Variants in BCAS3 observed in about 807,000 individuals in gnomAD.
The protein encoded by BCAS3 is BCAS4/BCAS3 fusion.
Under a neutral mutation model 116.1 loss-of-function variants are expected in BCAS3, and 53 were observed. The ratio of observed to expected loss-of-function variants is 0.46; its 90% CI spans 0.37 to 0.57. The LOEUF (loss-of-function observed/expected upper bound fraction) is 0.57. Among genes scored for constraint, BCAS3 ranks in the 20% least tolerant of loss-of-function variants. The pLI is 0.00. For synonymous variants in BCAS3, 391 were observed against 408.2 expected, an observed-to-expected ratio of 0.96 and a Z score of 0.51; for missense variants, 917 against 1,165.4, an observed-to-expected ratio of 0.79 and a Z score of 3.10.
chr17:60,969,300 G>C (rs1273160972), intron 14 of BCAS3, among the ~76,000 whole-genome samples: 1 of 152,120 alleles, frequency 6.6e-6, no homozygotes, highest in African/African-American at 2.4e-5. Flanking sequence ...TTATTACTAT[G>C]CTCAGTGATA....
At chr17:61,294,584 C>A (rs1361376032) in intron 22 of BCAS3, among the ~76,000 whole-genome samples, 2 of 152,152 alleles carry the variant, frequency 1.3e-5, no homozygotes, top group Non-Finnish European at 2.9e-5. Context: ...GGCAAACTGG[C>A]CTTGAAAGGC....
In BCAS3 at chr17:61,204,425, CT is replaced by C. The variant is rs200500192; in HGVS notation, c.2425+119868del. Among the ~76,000 whole-genome samples, 49 of 152,162 alleles carry C rather than the reference CT, an allele frequency of 3.2e-4. 1 individual carries two copies. The East Asian group carries it at 9.3e-3, about 29-fold the overall frequency. ...AATAATATTCTATGTTTGGATTTGTCTTTTTTTCCCACATTCATATTTGACT... is the reference window on the plus strand; with the variant it reads ...AATAATATTCTATGTTTGGATTTGTCTTTTTTCCCACATTCATATTTGACT... On this transcript the variant is annotated intron_variant, in intron 22 of 23. Coordinates refer to ENST00000407086, the MANE Select transcript of BCAS3 (RefSeq NM_017679.5). The surrounding 1 kb of genome is among the most constrained non-coding windows in gnomAD (Gnocchi z 4.2).
rs2059382542 is a variant in BCAS3, at chr17:61,377,310, T to A, written c.2593+8816T>A. 6.6e-6 allele frequency among the ~76,000 whole-genome samples: 1 copy of A among 152,180 alleles called. No homozygotes were observed. Among genetic ancestry groups the A allele is most frequent in the South Asian group, 2.1e-4 (1 of 4,820 alleles). On this transcript the variant is annotated intron_variant, in intron 23 of 23. Transcript: ENST00000407086. This position sits in a 1 kb window ranked among gnomAD's most constrained non-coding sequence, Gnocchi z 4.6. ...CCTACTCGGGACAAGAGGGAGCAGC[T>A]GCGCCAGCGAGACTGTGGGACAGCC...
chr17:61,295,968 AAAAG>A (rs1431567660), intron 22 of BCAS3, among the ~76,000 whole-genome samples: 1 of 151,908 alleles, frequency 6.6e-6, no homozygotes, highest in Non-Finnish European at 1.5e-5. Context: ...AAAAAAAAAA[AAAAG>A]AAAGAAATTT....
chr17:61,288,212 G>A (rs1373532584), intron 22 of BCAS3, among the ~76,000 whole-genome samples: 1 of 152,232 alleles, frequency 6.6e-6, no homozygotes, highest in African/African-American at 2.4e-5. Flanking sequence ...TGTGGGGAGG[G>A]AAAGTGTAAG....
intron 16 of BCAS3, among the ~76,000 whole-genome samples, chr17:61,025,667 T>A (rs1048939454): frequency 1.2e-4 from 19 of 152,240 alleles, no homozygotes; most frequent in Admixed American, 7.8e-4. Flanking sequence ...CTTATCTAAC[T>A]GAGAGAGAGC....
chr17:60,888,092 G>A (rs1346221195), intron 9 of BCAS3, among the ~76,000 whole-genome samples: 1 of 152,198 alleles, frequency 6.6e-6, no homozygotes, highest in Non-Finnish European at 1.5e-5. Context: ...ATAAGGTTGG[G>A]ATGGTGCTGA....
chr17:61,371,577 G>A (rs1400560374), intron 23 of BCAS3, among the ~76,000 whole-genome samples: 1 of 152,112 alleles, frequency 6.6e-6, no homozygotes, highest in Non-Finnish European at 1.5e-5. Context: ...GATTTGAAGT[G>A]TTCTCGACAC....
intron 9 of BCAS3, among the ~76,000 whole-genome samples, chr17:60,879,679 T>C (rs1294482953): frequency 6.6e-6 from 1 of 152,258 alleles, no homozygotes; most frequent in Non-Finnish European, 1.5e-5. Flanking sequence ...GTAAGCAATC[T>C]TGTTCCATTG....
Position 60,967,384 on chromosome 17 carries a change from A to G in BCAS3, c.1221+20032A>G, listed in dbSNP as rs1160203380. Among the ~76,000 whole-genome samples, 1 of 152,150 alleles carries G rather than the reference A, an allele frequency of 6.6e-6. No individual in the cohort carries two copies. Among genetic ancestry groups the G allele is most frequent in the African/African-American group, 2.4e-5 (1 of 41,428 alleles). The stretch of plus-strand genomic sequence containing the variant: ...ATGTTGTTATACTCCCTCCTGGCTT[A>G]TATGATTTACACTGGGAAGTCTGTT... On this transcript the variant is annotated intron_variant, in intron 14 of 23. Transcript: ENST00000407086. This position sits in a 1 kb window ranked among gnomAD's most constrained non-coding sequence, Gnocchi z 4.7.
In BCAS3 at chr17:60,747,298, A is replaced by G; in HGVS notation, c.403+19A>G. 3 of 1,572,740 alleles carry G rather than the reference A, an allele frequency of 1.9e-6. No homozygotes were observed. Among genetic ancestry groups the G allele is most frequent in the Non-Finnish European group, 2.6e-6 (3 of 1,147,972 alleles). The stretch of plus-strand genomic sequence containing the variant: ...CAGTTTGGTGAGTGTAGTCCTTAAG[A>G]AAAGAATCTTTCAGAAAAGAGTTTC... On this transcript the variant is annotated intron_variant, in intron 6 of 23. Coordinates refer to ENST00000407086, the MANE Select transcript of BCAS3 (RefSeq NM_017679.5).
intron 19 of BCAS3, among the ~76,000 whole-genome samples, chr17:61,048,002 A>G (rs2068501898): frequency 6.6e-6 from 1 of 152,062 alleles, no homozygotes; most frequent in African/African-American, 2.4e-5. Context: ...ATATACATTC[A>G]TTCAATAGAA....
At chr17:60,710,898 A>T (rs951329536) in intron 5 of BCAS3, among the ~76,000 whole-genome samples, 1 of 149,204 alleles carries the variant, frequency 6.7e-6, no homozygotes, top group African/African-American at 2.5e-5. Flanking sequence ...CACCTCCTGG[A>T]CTCAAGCGAT....
intron 22 of BCAS3, among the ~76,000 whole-genome samples, chr17:61,246,966 T>C (rs999710174): frequency 2.6e-5 from 4 of 152,202 alleles, no homozygotes; most frequent in African/African-American, 4.8e-5. Context: ...ATTGCTTTAG[T>C]ACCGAAATTA....
chr17:60,687,640 T>G (rs115261917), intron 3 of BCAS3, among the ~76,000 whole-genome samples: 1,760 of 152,156 alleles, frequency 0.012, 25 homozygotes, highest in African/African-American at 0.038. Context: ...AACAACTTTT[T>G]TTTTTTAAAG....
rs1328627461 is a variant in BCAS3 at position 61,276,346 on chromosome 17, C to T, written c.2426-91981C>T. On this transcript the variant is annotated intron_variant, in intron 22 of 23. Coordinates refer to ENST00000407086, the MANE Select transcript of BCAS3 (RefSeq NM_017679.5). The surrounding 1 kb of genome is among the most constrained non-coding windows in gnomAD (Gnocchi z 4.2). ...CCAGCCTGGGCTACAGGACGAGACT[C>T]CATCTCAAAAACAAACAAACAAACA... is the stretch of plus-strand genomic sequence containing the variant. 6.6e-6 allele frequency among the ~76,000 whole-genome samples: 1 copy of T among 152,030 alleles called. No homozygotes were observed. Among genetic ancestry groups the T allele is most frequent in the African/African-American group, 2.4e-5 (1 of 41,382 alleles).
chr17:60,737,089 A>G (rs8077129), intron 5 of BCAS3, among the ~76,000 whole-genome samples: 1 of 151,930 alleles, frequency 6.6e-6, no homozygotes, highest in Non-Finnish European at 1.5e-5. Context: ...GCACGCATGC[A>G]CCACCACGCC....
chr17:60,864,401 G>A (rs1294878746), intron 7 of BCAS3, among the ~76,000 whole-genome samples: 1 of 152,206 alleles, frequency 6.6e-6, no homozygotes, highest in African/African-American at 2.4e-5. Context: ...AAAAATAAAT[G>A]GAGTTAAAGC....
chr17:61,241,600 T>C lies in BCAS3; in HGVS notation c.2426-126727T>C, dbSNP rs796538769. Among the ~76,000 whole-genome samples, 2 of 151,646 alleles carry C rather than the reference T, an allele frequency of 1.3e-5. No homozygotes were observed. Among genetic ancestry groups the C allele is most frequent in the African/African-American group, 4.8e-5 (2 of 41,322 alleles). ...CGGCCGTGGTGGCGGGTGCCTGTAG[T>C]CCCAGCTACTCGGGAGGATGAGGCA... On this transcript the variant is annotated intron_variant, in intron 22 of 23. Transcript: ENST00000407086. This position sits in a 1 kb window ranked among gnomAD's most constrained non-coding sequence, Gnocchi z 4.6.
Sources: gnomAD v4.1 joint callset for allele counts (sites outside exome capture counted in the v4.1 genomes callset) on GRCh38, gnomAD v4.1.1 for gene constraint, Gnocchi (gnomAD v3.1) non-coding constraint, MANE v1.5 for transcripts, NCBI Gene and HGNC (gene_info 2026-07-23, HGNC 2026-07-21) for gene names.